The following SLC16A12 variants were observed in gnomAD, a reference collection of about 807,000 sequenced individuals.
SLC16A12 encodes monocarboxylate transporter 12.
In SLC16A12, 17 loss-of-function variants were observed where a neutral mutation model predicts 42.4. The observed-to-expected ratio is 0.40, with a 90% CI of 0.27 to 0.60. The LOEUF is 0.60. SLC16A12 is among the 20% of genes least tolerant of loss of function. The probability of loss-of-function intolerance (pLI) is 0.42; values close to 1 mark genes in which losing one functional copy is unlikely to be tolerated. For synonymous variants in SLC16A12, 224 were observed against 229.4 expected (o/e 0.98, Z 0.21); for missense variants, 544 against 623.0 (o/e 0.87, Z 1.35).
At chr10:89,542,637 C>G (rs1026768463) in intron 2 of SLC16A12, among the ~76,000 whole-genome samples, 2 of 152,132 alleles carry the variant, frequency 1.3e-5, no homozygotes, top group Non-Finnish European at 2.9e-5. Context: ...ATCTCCCTAT[C>G]TATTGTCACT....
intron 3 of SLC16A12, among the ~76,000 whole-genome samples, chr10:89,461,360 GT>G (rs1259659273): frequency 6.6e-6 from 1 of 152,086 alleles, no homozygotes; most frequent in Non-Finnish European, 1.5e-5. Context: ...TAAATTCTAG[GT>G]TTTAAGCTTC....
At chr10:89,555,308 A>G (rs1843802894) in intron 2 of SLC16A12, among the ~76,000 whole-genome samples, 1 of 151,646 alleles carries the variant, frequency 6.6e-6, no homozygotes, top group South Asian at 2.1e-4. Flanking sequence ...ACAGTTACCT[A>G]CAATATAATT....
At chr10:89,554,403 C>G (rs1843795525) in intron 2 of SLC16A12, among the ~76,000 whole-genome samples, 1 of 152,218 alleles carries the variant, frequency 6.6e-6, no homozygotes, top group Admixed American at 6.5e-5. Flanking sequence ...GAGAGGGAAG[C>G]TCTTTTAATG....
chr10:89,489,455 C>G (rs1364076381), intron 2 of SLC16A12, among the ~76,000 whole-genome samples: 1 of 152,106 alleles, frequency 6.6e-6, no homozygotes, highest in East Asian at 1.9e-4. Context: ...TCTTCCACCT[C>G]AACCTCCCGA....
At chr10:89,498,826 G>A (rs1190159946) in intron 2 of SLC16A12, among the ~76,000 whole-genome samples, 1 of 152,118 alleles carries the variant, frequency 6.6e-6, no homozygotes, top group Non-Finnish European at 1.5e-5. Flanking sequence ...ACAACCCCCT[G>A]TACCAGCCCG....
chr10:89,550,962 T>A (rs1843767048), intron 2 of SLC16A12, among the ~76,000 whole-genome samples: 1 of 152,222 alleles, frequency 6.6e-6, no homozygotes. Flanking sequence ...CTCCAGCACC[T>A]TGTAAGTTAC....
chr10:89,457,286 A>C (rs1265489521), intron 3 of SLC16A12, among the ~76,000 whole-genome samples: 1 of 152,204 alleles, frequency 6.6e-6, no homozygotes, highest in African/African-American at 2.4e-5. Flanking sequence ...TACAAGAAAA[A>C]AAACAAACAA....
intron 2 of SLC16A12, among the ~76,000 whole-genome samples, chr10:89,474,337 T>C (rs1390902480): frequency 6.6e-6 from 1 of 152,138 alleles, no homozygotes; most frequent in East Asian, 1.9e-4. Context: ...AATACATGCA[T>C]GCACACACAC....
Position 89,430,601 on chromosome 10 carries a change from C to CTACACAGA in SLC16A12, c.*2462_*2463insTCTGTGTA. Reference sequence around the variant, plus strand: ...ACAGTATAGACACATGGAACATTAACACTAAAATTCTGTGTAGAAATGTAA... The same window carrying CTACACAGA: ...ACAGTATAGACACATGGAACATTAACTACACAGAACTAAAATTCTGTGTAGAAATGTAA... On this transcript the variant is annotated 3_prime_UTR_variant, in exon 8 of 8. Transcript: ENST00000371790. 2 of 459,418 alleles carry CTACACAGA rather than the reference C, an allele frequency of 4.4e-6. No homozygotes were observed. Among genetic ancestry groups the CTACACAGA allele is most frequent in the South Asian group, 3.3e-5 (2 of 61,022 alleles). The allele number at this position is 459,418 out of a possible 1,614,324, so 28.5% of individuals were successfully genotyped here. A position where few individuals can be genotyped will look rare whatever the true frequency, so the allele number is the denominator to read the frequency against.
At chr10:89,520,706 T>C (rs1325292608) in intron 2 of SLC16A12, among the ~76,000 whole-genome samples, 2 of 122,218 alleles carry the variant, frequency 1.6e-5, no homozygotes, top group South Asian at 5.0e-4. Context: ...CTGCCATTAC[T>C]GGGTCACATA....
chr10:89,552,545 A>G (rs1471737805), intron 2 of SLC16A12, among the ~76,000 whole-genome samples: 2 of 152,156 alleles, frequency 1.3e-5, no homozygotes, highest in Non-Finnish European at 2.9e-5. Context: ...GGGGAAACGT[A>G]TGGTACTAGG....
At chr10:89,537,812 A>C (rs1843689869), upstream of SLC16A12, among the ~76,000 whole-genome samples, 1 of 152,322 alleles carries the variant, frequency 6.6e-6, no homozygotes, top group Non-Finnish European at 1.5e-5. Flanking sequence ...CACCACTTAC[A>C]GGGGGCTCTA....
chr10:89,549,602 T>G (rs1843759408), intron 2 of SLC16A12, among the ~76,000 whole-genome samples: 1 of 152,230 alleles, frequency 6.6e-6, no homozygotes, highest in South Asian at 2.1e-4. Context: ...GTTTTGGGTT[T>G]TTTTTTAAGT....
intron 2 of SLC16A12, among the ~76,000 whole-genome samples, chr10:89,486,651 GAAA>G (rs1842755199): frequency 6.3e-5 from 3 of 47,916 alleles, no homozygotes; most frequent in Non-Finnish European, 1.3e-4. Context: ...AAGAAAGAAA[GAAA>G]GAAAGAAAGA....
chr10:89,511,522 T>G (rs769182026), intron 2 of SLC16A12, among the ~76,000 whole-genome samples: 1 of 151,734 alleles, frequency 6.6e-6, no homozygotes. Flanking sequence ...TAAGTGGGAG[T>G]TGAGCAATGA....
At chr10:89,546,475 A>T (rs781647869) in intron 2 of SLC16A12, among the ~76,000 whole-genome samples, 7 of 152,244 alleles carry the variant, frequency 4.6e-5, no homozygotes, top group Non-Finnish European at 1.0e-4. Context: ...AATCAAAACC[A>T]CAATGAGATA....
Position 89,511,593 on chromosome 10 carries a change from C to T in SLC16A12, c.-47+22908G>A, listed in dbSNP as rs527274211. On this transcript the variant is annotated intron_variant, in intron 2 of 7. Transcript: ENST00000371790. ...CAGGGCCTGTCGGAGGGTGGAGGGG[C>T]TGGGGGAGGGGATAGCATTAGGAGA... is the stretch of plus-strand genomic sequence containing the variant. Among the ~76,000 whole-genome samples, 3 of 151,860 alleles carry T rather than the reference C, an allele frequency of 2.0e-5. No homozygotes were observed. The East Asian group carries it at 5.8e-4, about 29-fold the overall frequency.
intron 2 of SLC16A12, among the ~76,000 whole-genome samples, chr10:89,521,268 C>T (rs1025247173): frequency 7.9e-5 from 12 of 152,180 alleles, no homozygotes; most frequent in East Asian, 3.8e-4. Context: ...CAGTCCAAGT[C>T]GAGATTTCTG....
chr10:89,556,444 T>C (rs1843816573), intron 1 of SLC16A12: 1 of 152,246 alleles, frequency 6.6e-6, no homozygotes, highest in Non-Finnish European at 1.5e-5. Context: ...ATGACTCCCA[T>C]AGCCCTTGTT....
Sources: allele counts gnomAD v4.1 joint callset (sites outside exome capture counted in the v4.1 genomes callset), GRCh38; gene constraint gnomAD v4.1.1; transcripts MANE v1.5; gene names NCBI Gene and HGNC (gene_info 2026-07-23, HGNC 2026-07-21).